Variants in ZNF385B observed in about 807,000 individuals in gnomAD.
ZNF385B encodes zinc finger protein 385B.
A neutral mutation model predicts 39.2 loss-of-function variants in ZNF385B; 23 were observed. The ratio of observed to expected loss-of-function variants is 0.59; its 90% CI spans 0.42 to 0.83. The LOEUF is 0.83. ZNF385B is among the 40% of genes least tolerant of loss of function. The pLI is 0.00. For synonymous variants in ZNF385B, 205 were observed against 222.6 expected (o/e 0.92, Z 0.70); for missense variants, 552 against 598.9 (o/e 0.92, Z 0.82).
chr2:179,744,696 A>C (rs1702277857), intron 3 of ZNF385B, among the ~76,000 whole-genome samples: 1 of 152,326 alleles, frequency 6.6e-6, no homozygotes, highest in East Asian at 1.9e-4. Context: ...CAGGAAAAAC[A>C]CATACACTTA....
chr2:179,619,167 A>T (rs1690004634), intron 3 of ZNF385B, among the ~76,000 whole-genome samples: 1 of 152,186 alleles, frequency 6.6e-6, no homozygotes, highest in Non-Finnish European at 1.5e-5. Flanking sequence ...CAGACAGGTT[A>T]GATTCCTCTG....
intron 3 of ZNF385B, among the ~76,000 whole-genome samples, chr2:179,630,955 A>T (rs1006673266): frequency 2.6e-5 from 4 of 152,226 alleles, no homozygotes; most frequent in Non-Finnish European, 5.9e-5. Context: ...TAAAGTGAGA[A>T]GACAAGGTTA....
chr2:179,758,716 A>G (rs1041849885), intron 3 of ZNF385B, among the ~76,000 whole-genome samples: 1 of 152,158 alleles, frequency 6.6e-6, no homozygotes, highest in African/African-American at 2.4e-5. Flanking sequence ...AGAGGGGTCT[A>G]CTGGTAAGAA....
chr2:179,621,146 G>A (rs748283020), intron 3 of ZNF385B, among the ~76,000 whole-genome samples: 1 of 151,912 alleles, frequency 6.6e-6, no homozygotes, highest in Non-Finnish European at 1.5e-5. Context: ...ACCAAGAATG[G>A]GGTAGAAAAA....
At chr2:179,520,602 T>C (rs1057024972) in intron 4 of ZNF385B, among the ~76,000 whole-genome samples, 1 of 152,162 alleles carries the variant, frequency 6.6e-6, no homozygotes, top group Non-Finnish European at 1.5e-5. Flanking sequence ...ACATGGCGAA[T>C]CAGTTTATGC....
At chr2:179,552,069 T>C (rs1009429931) in intron 3 of ZNF385B, among the ~76,000 whole-genome samples, 1 of 149,510 alleles carries the variant, frequency 6.7e-6, no homozygotes, top group Non-Finnish European at 1.5e-5. Context: ...AAAACTATTA[T>C]TTCAGCCAAC....
chr2:179,461,195 T>A (rs2051297965), intron 6 of ZNF385B, among the ~76,000 whole-genome samples: 1 of 152,212 alleles, frequency 6.6e-6, no homozygotes, highest in Admixed American at 6.5e-5. Context: ...TGGTAGAGCA[T>A]GAGAGAAATT....
intron 4 of ZNF385B, among the ~76,000 whole-genome samples, chr2:179,540,479 A>G (rs1393551680): frequency 6.7e-6 from 1 of 149,690 alleles, no homozygotes. Context: ...ACACCAACCA[A>G]ACAACAACAA....
chr2:179,815,738 T>A (rs1363993787), intron 1 of ZNF385B, among the ~76,000 whole-genome samples: 1 of 152,204 alleles, frequency 6.6e-6, no homozygotes, highest in Non-Finnish European at 1.5e-5. Context: ...AGTCCTCATG[T>A]TATTTGACAT....
At chr2:179,519,348 T>C (rs1392635111) in intron 4 of ZNF385B, among the ~76,000 whole-genome samples, 1 of 152,234 alleles carries the variant, frequency 6.6e-6, no homozygotes, top group Admixed American at 6.5e-5. Context: ...TCATGTGCTA[T>C]AGACTGAAAT....
intron 3 of ZNF385B, among the ~76,000 whole-genome samples, chr2:179,655,846 G>A (rs1024884028): frequency 3.9e-5 from 6 of 152,150 alleles, no homozygotes; most frequent in African/African-American, 1.4e-4. Flanking sequence ...GGAATTCCAA[G>A]TAATACTGAG....
intron 3 of ZNF385B, among the ~76,000 whole-genome samples, chr2:179,691,443 A>G (rs2106344411): frequency 6.6e-6 from 1 of 152,342 alleles, no homozygotes; most frequent in African/African-American, 2.4e-5. Context: ...TATTTTAACC[A>G]TTACCATTTC....
At chr2:179,523,980 T>C (rs1033946643) in intron 4 of ZNF385B, among the ~76,000 whole-genome samples, 8 of 152,026 alleles carry the variant, frequency 5.3e-5, no homozygotes, top group Non-Finnish European at 1.0e-4. Flanking sequence ...TTATTTATTA[T>C]AGAGACAGGG....
intron 1 of ZNF385B, among the ~76,000 whole-genome samples, chr2:179,817,885 C>T (rs1038648210): frequency 2.0e-5 from 3 of 152,090 alleles, no homozygotes; most frequent in South Asian, 2.1e-4. Context: ...GCAATTTTCC[C>T]CTTGGAAAAG....
At chr2:179,824,297 G>A (rs1223428570) in intron 1 of ZNF385B, among the ~76,000 whole-genome samples, 4 of 152,164 alleles carry the variant, frequency 2.6e-5, no homozygotes, top group South Asian at 2.1e-4. Context: ...AGCTAGAAGA[G>A]AAGTCTATGT....
At chr2:179,567,672 G>A (rs892535204) in intron 3 of ZNF385B, among the ~76,000 whole-genome samples, 41 of 152,264 alleles carry the variant, frequency 2.7e-4, no homozygotes, top group African/African-American at 9.6e-4. Flanking sequence ...AGACAAAAGT[G>A]GGCTAGAAGA....
rs6433793 is a variant in ZNF385B, at chr2:179,474,033, T to C, written c.715+9239A>G. The stretch of plus-strand genomic sequence containing the variant: ...TGCTCATTCTACTATGCTATGGATG[T>C]AAAGTAGGTAAATGGCACTCGGGAA... On this transcript the variant is annotated intron_variant, in intron 6 of 9. Transcript: ENST00000410066. Among the ~76,000 whole-genome samples the C allele has an allele frequency of 5.4e-3, 826 of 152,132 alleles. 11 individuals are homozygous for C. The highest frequency in any genetic ancestry group is 0.019 in the African/African-American group (786 of 41,482).
chr2:179,536,881 G>A (rs1488267022), intron 4 of ZNF385B, among the ~76,000 whole-genome samples: 1 of 152,084 alleles, frequency 6.6e-6, no homozygotes, highest in Non-Finnish European at 1.5e-5. Context: ...AATAACATCT[G>A]CATACTCTAA....
chr2:179,765,246 C>G (rs1703620767), intron 3 of ZNF385B, among the ~76,000 whole-genome samples: 1 of 152,080 alleles, frequency 6.6e-6, no homozygotes, highest in African/African-American at 2.4e-5. Context: ...CATTTCCTTT[C>G]TAGTTGAAAA....
Sources: gnomAD v4.1 joint callset for allele counts (sites outside exome capture counted in the v4.1 genomes callset) on GRCh38, gnomAD v4.1.1 for gene constraint, MANE v1.5 for transcripts, NCBI Gene and HGNC (gene_info 2026-07-23, HGNC 2026-07-21) for gene names.